Variants in KIF1A observed in about 807,000 individuals in gnomAD.
KIF1A encodes the protein kinesin-like protein KIF1A.
KIF1A carries 46 observed loss-of-function variants against 227.3 expected under a neutral mutation model. The ratio of observed to expected loss-of-function variants is 0.20; its 90% CI spans 0.16 to 0.26. The LOEUF is 0.26. KIF1A is among the 10% of genes least tolerant of loss of function. The pLI, the probability that KIF1A is intolerant of heterozygous loss-of-function variation, is 1.00. For missense variants in KIF1A, 1,683 were observed against 2,485.9 expected (o/e 0.68, Z 6.87); for synonymous variants, 1,022 against 1,012.8 (o/e 1.01, Z -0.17).
intron 25 of KIF1A, among the ~76,000 whole-genome samples, chr2:240,759,424 T>C (rs1418061321): frequency 2.0e-5 from 3 of 152,118 alleles, no homozygotes; most frequent in Non-Finnish European, 4.4e-5. Flanking sequence ...CTGGCCTAAA[T>C]CACCCAGGAC....
chr2:240,742,885 A>T, intron 34 of KIF1A, 44 bp downstream of exon 34: 1 of 1,548,246 alleles, frequency 6.5e-7, no homozygotes. Context: ...ACCCACAGTG[A>T]GGGGAGCTCA....
At position 240,771,185 on chromosome 2, in the gene KIF1A, G is replaced by A. The variant is rs370556725; in HGVS notation, c.1208-81C>T. On this transcript the variant is annotated intron_variant, in intron 14 of 48. Transcript: ENST00000498729. ...GTTCTCAAGGTCGGACACGTCTATG[G>A]GGAGGAGGGGTAGGGCGGGCAGACA... 60 of 1,572,882 alleles carry A rather than the reference G, an allele frequency of 3.8e-5. No individual in the cohort carries two copies. The African/African-American group carries it at 7.3e-4, about 19-fold the overall frequency.
chr2:240,800,668 C>T (rs1449458138), intron 1 of KIF1A, among the ~76,000 whole-genome samples: 1 of 152,166 alleles, frequency 6.6e-6, no homozygotes, highest in African/African-American at 2.4e-5. Context: ...TGAACAAATG[C>T]CCAGTCCTTC....
chr2:240,816,505 G>A (rs2058336918), intron 1 of KIF1A, among the ~76,000 whole-genome samples: 1 of 152,112 alleles, frequency 6.6e-6, no homozygotes, highest in Non-Finnish European at 1.5e-5. Flanking sequence ...GGAGAGCCAG[G>A]CACTGGCCTG....
chr2:240,772,444 C>G (rs956812517), intron 14 of KIF1A, 126 bp downstream of exon 14: 12 of 771,144 alleles, frequency 1.6e-5, no homozygotes, highest in Non-Finnish European at 2.6e-5. Flanking sequence ...TTTCTGCCCC[C>G]CAAAAAGGAG....
intron 40 of KIF1A, 42 bp from the exon 41 acceptor site, chr2:240,724,078 G>A (rs779014831): frequency 1.1e-5 from 17 of 1,551,614 alleles, no homozygotes; most frequent in Admixed American, 8.3e-5. Context: ...ACCAGGCCCC[G>A]CAACAGGGAC....
chr2:240,813,213 T>C (rs940025618), intron 1 of KIF1A, among the ~76,000 whole-genome samples: 1 of 152,360 alleles, frequency 6.6e-6, no homozygotes, highest in African/African-American at 2.4e-5. Flanking sequence ...AGGAGTGTCC[T>C]GGCCACCCCT....
At chr2:240,744,551 C>A (rs561897933) in intron 32 of KIF1A, among the ~76,000 whole-genome samples, 1 of 152,284 alleles carries the variant, frequency 6.6e-6, no homozygotes, top group South Asian at 2.1e-4. Flanking sequence ...GGTCCCAATC[C>A]AACATGGCTG....
intron 12 of KIF1A, among the ~76,000 whole-genome samples, chr2:240,773,939 C>CA (rs2052378585): frequency 6.6e-6 from 1 of 152,176 alleles, no homozygotes; most frequent in East Asian, 1.9e-4. Flanking sequence ...CAGTCTGGTG[C>CA]CACGGGGCCC....
chr2:240,761,104 G>A (rs1000009387), intron 24 of KIF1A, 125 bp downstream of exon 24: 8 of 1,201,946 alleles, frequency 6.7e-6, no homozygotes, highest in Non-Finnish European at 8.3e-6. Context: ...AGGTCAGGCA[G>A]GGCTGCTATG....
intron 38 of KIF1A, among the ~76,000 whole-genome samples, chr2:240,730,413 ACCACTCCAGGACCC>A (rs1320753793): frequency 6.6e-6 from 1 of 152,042 alleles, no homozygotes; most frequent in Non-Finnish European, 1.5e-5. Context: ...GGCCTTGGAG[ACCACTCCAGGACCC>A]CCACTCCAGG....
intron 28 of KIF1A, among the ~76,000 whole-genome samples, chr2:240,749,697 G>C (rs895230360): frequency 7.0e-6 from 1 of 141,890 alleles, no homozygotes; most frequent in Non-Finnish European, 1.5e-5. Context: ...CAGGTGGGGA[G>C]CATTACAACG....
chr2:240,820,372 G>T (rs1444755787), upstream of KIF1A: 1 of 151,426 alleles, frequency 6.6e-6, no homozygotes, highest in Non-Finnish European at 1.5e-5. The surrounding 1 kb of genome is among the most constrained non-coding windows in gnomAD (Gnocchi z 6.2). Context: ...CCGCCGCGGG[G>T]ATGGGGCTGG....
At position 240,787,290 on chromosome 2, in the gene KIF1A, G is replaced by A; in HGVS notation, c.390C>T (p.Ile130=). The A allele has an allele frequency of 6.2e-7, 1 of 1,613,420 alleles. No individual in the cohort carries two copies. The highest frequency in any genetic ancestry group is 8.5e-7 in the Non-Finnish European group (1 of 1,179,772). ...PQLCEDLFSR[I]NDTTNDNMSY... ...ACATGTTGTCGTTGGTCGTGTCGTT[G>A]ATCCGAGAGAAGAGGTCCTCGCAGA... The change falls in exon 5 of 49, where the codon ATC becomes ATT. Residue 130 remains isoleucine, a synonymous_variant. Coordinates refer to ENST00000498729, the MANE Select transcript of KIF1A (RefSeq NM_001244008.2).
rs181360230 is a variant in KIF1A at position 240,741,165 on chromosome 2, C to T, written c.3749+104G>A. On this transcript the variant is annotated intron_variant, in intron 35 of 48. Coordinates refer to ENST00000498729, the MANE Select transcript of KIF1A (RefSeq NM_001244008.2). ...CTGCAGTGAACACCCGCTGGAAGAA[C>T]GACTCTGGATGCTGGCAACCCTCAG... 7.1e-4 allele frequency: 530 copies of T among 741,582 alleles called. 3 individuals carry two copies. In the African/African-American group the frequency reaches 7.4e-3, roughly 10 times the overall value. The allele number at this position is 741,582 out of a possible 1,614,324, so 45.9% of individuals were successfully genotyped here. A position where few individuals can be genotyped will look rare whatever the true frequency, so the allele number is the denominator to read the frequency against.
chr2:240,796,411 A>C (rs2126140303), intron 2 of KIF1A, among the ~76,000 whole-genome samples: 1 of 152,288 alleles, frequency 6.6e-6, no homozygotes, highest in South Asian at 2.1e-4. Flanking sequence ...GGGCCCCGGC[A>C]AGGCCAGGGC....
chr2:240,720,132 T>G, intron 45 of KIF1A: 1 of 470,386 alleles, frequency 2.1e-6, no homozygotes, highest in Admixed American at 4.0e-5. Context: ...AGTGCTGGGC[T>G]TGGTGGGCAG....
At chr2:240,744,937 G>A (rs904425892) in intron 32 of KIF1A, among the ~76,000 whole-genome samples, 16 of 152,108 alleles carry the variant, frequency 1.1e-4, no homozygotes, top group African/African-American at 3.6e-4. Flanking sequence ...CAGTTCTCCC[G>A]CCTGGAGAAG....
intron 28 of KIF1A, among the ~76,000 whole-genome samples, chr2:240,747,817 A>G (rs960172055): frequency 6.6e-6 from 1 of 151,238 alleles, no homozygotes; most frequent in Non-Finnish European, 1.5e-5. Context: ...ATGCGCCCAC[A>G]CTCCCCAGCC....
Sources: allele counts gnomAD v4.1 joint callset (sites outside exome capture counted in the v4.1 genomes callset), GRCh38; gene constraint gnomAD v4.1.1; non-coding constraint Gnocchi (gnomAD v3.1); transcripts MANE v1.5; gene names NCBI Gene and HGNC (gene_info 2026-07-23, HGNC 2026-07-21).